KLF8: variants seen among roughly 807,000 people sequenced by gnomAD.
KLF8 encodes the protein KLF transcription factor 8, also known as Krueppel-like factor 8.
Under a neutral mutation model 18.2 loss-of-function variants are expected in KLF8, and 10 were observed. The ratio of observed to expected loss-of-function variants is 0.55; its 90% CI spans 0.34 to 0.93. The LOEUF (loss-of-function observed/expected upper bound fraction) is 0.93. KLF8 is among the 40% of genes least tolerant of loss of function. The pLI, the probability that KLF8 is intolerant of heterozygous loss-of-function variation, is 0.02. For synonymous variants in KLF8, 109 were observed against 97.3 expected (o/e 1.12, Z -0.71); for missense variants, 264 against 277.9 (o/e 0.95, Z 0.36).
At chrX:56,199,891 G>A in the KLF8 span, among the ~76,000 whole-genome samples, 1 of 111,556 alleles carries the variant, frequency 9.0e-6, no homozygotes, top group Non-Finnish European at 1.9e-5. Flanking sequence ...GCATGGAATA[G>A]TATGCAGCCA....
chrX:56,159,701 G>T, the KLF8 span, among the ~76,000 whole-genome samples: 1 of 112,091 alleles, frequency 8.9e-6, no homozygotes, highest in African/African-American at 3.2e-5. Context: ...CTCTCTGATG[G>T]TAGTTTGTAT....
At chrX:56,270,426 CAGAG>C (rs1214833854) in intron 5 of KLF8, 105 bp downstream of exon 5, 27 of 827,742 alleles carry the variant, frequency 3.3e-5, no homozygotes, top group Admixed American at 1.0e-4. Flanking sequence ...GAGAGAGGGG[CAGAG>C]AGAGAGAGAG....
At chrX:55,971,769 A>G in the KLF8 span, among the ~76,000 whole-genome samples, 1 of 111,722 alleles carries the variant, frequency 9.0e-6, no homozygotes, top group African/African-American at 3.2e-5. Flanking sequence ...GACATTTCCC[A>G]AAAGAAGACA....
chrX:56,056,818 A>G, the KLF8 span, among the ~76,000 whole-genome samples: 1 of 97,401 alleles, frequency 1.0e-5, no homozygotes. Context: ...AAAGAAGTGT[A>G]TCATTGCAGG....
intron 2 of KLF8, among the ~76,000 whole-genome samples, chrX:56,264,826 C>A (rs1008539275): frequency 1.8e-5 from 2 of 111,757 alleles, no homozygotes; most frequent in African/African-American, 6.5e-5. Flanking sequence ...TCACATTATT[C>A]TATCATTATA....
the KLF8 span, among the ~76,000 whole-genome samples, chrX:55,948,034 A>T: frequency 8.9e-6 from 1 of 112,077 alleles, no homozygotes; most frequent in African/African-American, 3.2e-5. Flanking sequence ...AAATATTTGC[A>T]TACATTTTTG....
intron 2 of KLF8, among the ~76,000 whole-genome samples, chrX:56,263,941 A>G (rs1369919553): frequency 1.8e-5 from 2 of 111,949 alleles, no homozygotes; most frequent in South Asian, 3.7e-4. Flanking sequence ...ATTGAACTCT[A>G]CCTTTCCTCA....
chrX:56,050,685 C>T, the KLF8 span, among the ~76,000 whole-genome samples: 2 of 111,979 alleles, frequency 1.8e-5, no homozygotes, highest in Non-Finnish European at 3.8e-5. Flanking sequence ...GATTTACTTC[C>T]ACCTATGTGG....
the KLF8 span, among the ~76,000 whole-genome samples, chrX:56,154,242 G>C: frequency 1.8e-5 from 2 of 111,233 alleles, no homozygotes; most frequent in East Asian, 5.6e-4. Context: ...CATGGTACTG[G>C]TACCAAAACA....
At chrX:56,058,289 T>TATATATATATATAC in the KLF8 span, among the ~76,000 whole-genome samples, 1 of 25,234 alleles carries the variant, frequency 4.0e-5, no homozygotes, top group African/African-American at 7.9e-5. Context: ...CATATATATA[T>TATATATATATATAC]ATATATATAT....
chrX:56,284,561 A>T lies in KLF8; in HGVS notation c.*67A>T. The T allele has an allele frequency of 1.0e-6, 1 of 954,221 alleles. No individual in the cohort carries two copies. The highest frequency in any genetic ancestry group is 1.4e-6 in the Non-Finnish European group (1 of 719,273). 78.6% of individuals were successfully genotyped at this position (954,221 alleles called of 1,213,427 possible). A position where few individuals can be genotyped will look rare whatever the true frequency, so the allele number is the denominator to read the frequency against. The stretch of plus-strand genomic sequence containing the variant: ...CTGGTCGTGTGCTGAGGTTGGGACA[A>T]TTTTTTCCTCTTTGACTTCAGCTTG... On this transcript the variant is annotated 3_prime_UTR_variant, in exon 6 of 6. Transcript: ENST00000468660.
the KLF8 span, among the ~76,000 whole-genome samples, chrX:56,158,293 C>G: frequency 4.5e-5 from 5 of 111,687 alleles, no homozygotes; most frequent in Middle Eastern, 4.2e-3. Flanking sequence ...GTTACTGTAG[C>G]CTTGTAGTAT....
chrX:56,238,218 C>T (rs903780966), intron 1 of KLF8, among the ~76,000 whole-genome samples: 1 of 111,915 alleles, frequency 8.9e-6, no homozygotes, highest in African/African-American at 3.3e-5. Context: ...GTGGCTCATG[C>T]CTGTAATCCC....
chrX:55,950,151 C>A, the KLF8 span, among the ~76,000 whole-genome samples: 2 of 110,461 alleles, frequency 1.8e-5, no homozygotes, highest in Non-Finnish European at 1.9e-5. Context: ...TGCAGTGTTC[C>A]AGAGGAACAC....
the KLF8 span, among the ~76,000 whole-genome samples, chrX:55,983,364 A>G: frequency 9.0e-6 from 1 of 111,541 alleles, no homozygotes; most frequent in South Asian, 3.7e-4. Flanking sequence ...GAATAGGTTA[A>G]CCATTTTGTT....
At chrX:55,947,949 A>G in the KLF8 span, among the ~76,000 whole-genome samples, 1 of 112,314 alleles carries the variant, frequency 8.9e-6, no homozygotes, top group African/African-American at 3.2e-5. Context: ...TTAGATGCAG[A>G]GAAATTATTT....
the KLF8 span, among the ~76,000 whole-genome samples, chrX:56,144,449 T>A: frequency 9.1e-6 from 1 of 110,180 alleles, no homozygotes; most frequent in South Asian, 3.9e-4. Flanking sequence ...TCAGAATACA[T>A]AAAGAACACT....
At chrX:55,977,635 G>A in the KLF8 span, among the ~76,000 whole-genome samples, 12 of 111,162 alleles carry the variant, frequency 1.1e-4, no homozygotes, top group Non-Finnish European at 1.3e-4. Context: ...CTCCTATTCC[G>A]CCGTCTTGCT....
chrX:56,209,686 GTT>G, the KLF8 span, among the ~76,000 whole-genome samples: 5 of 111,146 alleles, frequency 4.5e-5, no homozygotes, highest in Non-Finnish European at 9.4e-5. Context: ...TTTCTGTTTT[GTT>G]TTTGTTTTTG....
Sources: gnomAD v4.1 joint callset for allele counts (sites outside exome capture counted in the v4.1 genomes callset) on GRCh38, gnomAD v4.1.1 for gene constraint, MANE v1.5 for transcripts, NCBI Gene and HGNC (gene_info 2026-07-23, HGNC 2026-07-21) for gene names.